Variants in NRXN1 observed in about 807,000 individuals in gnomAD.
NRXN1 encodes the protein neurexin 1, also known as neurexin-1.
Under a neutral mutation model 150.9 loss-of-function variants are expected in NRXN1, and 39 were observed. That is an observed-to-expected ratio of 0.26 (90% CI 0.20 to 0.34). The LOEUF is 0.34. Among genes scored for constraint, NRXN1 ranks in the 10% least tolerant of loss-of-function variants. The probability of loss-of-function intolerance (pLI) is 1.00; values close to 1 mark genes in which losing one functional copy is unlikely to be tolerated. For missense variants in NRXN1, 1,815 were observed against 1,949.9 expected (o/e 0.93, Z 1.30); for synonymous variants, 924 against 757.0 (o/e 1.22, Z -3.62).
chr2:50,409,037 G>T (rs138690581), intron 17 of NRXN1, among the ~76,000 whole-genome samples: 142 of 152,218 alleles, frequency 9.3e-4, no homozygotes, highest in African/African-American at 3.1e-3. Flanking sequence ...TTCAAGGGGA[G>T]GGGAGGGTTG....
chr2:50,240,778 A>G (rs1044536350), intron 17 of NRXN1, among the ~76,000 whole-genome samples: 2 of 151,700 alleles, frequency 1.3e-5, no homozygotes, highest in Admixed American at 6.6e-5. Flanking sequence ...ATAGAGCTCT[A>G]TCAGAATTAC....
intron 18 of NRXN1, among the ~76,000 whole-genome samples, chr2:50,167,963 G>T (rs917610642): frequency 6.6e-6 from 1 of 152,044 alleles, no homozygotes; most frequent in African/African-American, 2.4e-5. Flanking sequence ...AAATATCCAT[G>T]CATATTTGCT....
chr2:50,177,893 G>C (rs1482247718), intron 18 of NRXN1, among the ~76,000 whole-genome samples: 1 of 149,396 alleles, frequency 6.7e-6, no homozygotes, highest in South Asian at 2.2e-4. Context: ...TGGAAGAAAG[G>C]AAGGAAGCAT....
At chr2:50,006,677 A>G (rs1394253977) in intron 21 of NRXN1, among the ~76,000 whole-genome samples, 1 of 152,186 alleles carries the variant, frequency 6.6e-6, no homozygotes, top group East Asian at 1.9e-4. Flanking sequence ...ACAATGATGT[A>G]TGTCAAGAAT....
chr2:50,733,777 A>T (rs535907231), intron 5 of NRXN1, among the ~76,000 whole-genome samples: 1 of 152,176 alleles, frequency 6.6e-6, no homozygotes, highest in African/African-American at 2.4e-5. Flanking sequence ...ATTTTCAAAA[A>T]GTTTACTCAA....
At chr2:50,692,558 A>G (rs1692226653) in intron 5 of NRXN1, among the ~76,000 whole-genome samples, 1 of 152,180 alleles carries the variant, frequency 6.6e-6, no homozygotes, top group Admixed American at 6.5e-5. Context: ...CAAATATGAT[A>G]TAACACAGAG....
At chr2:50,848,473 C>A (rs1305509347) in intron 5 of NRXN1, among the ~76,000 whole-genome samples, 1 of 151,978 alleles carries the variant, frequency 6.6e-6, no homozygotes. Flanking sequence ...AGCTCTGCTT[C>A]GGTTTGGGAG....
intron 18 of NRXN1, among the ~76,000 whole-genome samples, chr2:50,227,245 A>T (rs772358056): frequency 2.6e-5 from 4 of 152,008 alleles, no homozygotes; most frequent in Admixed American, 1.3e-4. Context: ...TGGAGAAGTA[A>T]ATTACTAAGT....
At position 50,610,666 on chromosome 2, in the gene NRXN1, T is replaced by C. The variant is rs1361774104; in HGVS notation, c.1320+9356A>G. On this transcript the variant is annotated intron_variant, in intron 8 of 22. Coordinates refer to ENST00000401669, the MANE Select transcript of NRXN1 (RefSeq NM_001330078.2). The stretch of plus-strand genomic sequence containing the variant: ...ACATATATATATATATATATATATA[T>C]ATATATATATATCTGTACAAAACAG... Among the ~76,000 whole-genome samples, 47 of 127,674 alleles carry C rather than the reference T, an allele frequency of 3.7e-4. 1 individual carries two copies. The highest frequency in any genetic ancestry group is 6.9e-4 in the Non-Finnish European group (42 of 60,636). 83.8% of individuals were successfully genotyped at this position (127,674 alleles called of 152,430 possible).
chr2:50,522,725 T>TCC (rs2092825455), intron 12 of NRXN1, among the ~76,000 whole-genome samples: 44 of 69,538 alleles, frequency 6.3e-4, no homozygotes, highest in Non-Finnish European at 1.0e-3. Flanking sequence ...TATTCATTTT[T>TCC]TTTTTTTTTT....
chr2:50,229,325 T>A (rs962955613), intron 18 of NRXN1, among the ~76,000 whole-genome samples: 4 of 125,182 alleles, frequency 3.2e-5, no homozygotes, highest in African/African-American at 1.2e-4. Context: ...CAGCGCATTT[T>A]TTTTTGTGTG....
chr2:50,081,660 A>G (rs957502601), intron 19 of NRXN1, among the ~76,000 whole-genome samples: 3 of 152,246 alleles, frequency 2.0e-5, no homozygotes, highest in South Asian at 2.1e-4. Flanking sequence ...CATAGTTGAC[A>G]TTCAAATAAT....
At chr2:50,936,955 ACTTCAATG>A (rs1489144753) in intron 2 of NRXN1, among the ~76,000 whole-genome samples, 2 of 152,162 alleles carry the variant, frequency 1.3e-5, no homozygotes, top group Non-Finnish European at 2.9e-5. Flanking sequence ...TCTTACCAAT[ACTTCAATG>A]TTTTATCTAT....
At chr2:50,177,205 A>C (rs1354633029) in intron 18 of NRXN1, among the ~76,000 whole-genome samples, 1 of 152,120 alleles carries the variant, frequency 6.6e-6, no homozygotes, top group Non-Finnish European at 1.5e-5. Flanking sequence ...CATCACCCAA[A>C]TGTTGAACAT....
At chr2:50,825,738 C>A (rs1559316647) in intron 5 of NRXN1, among the ~76,000 whole-genome samples, 2 of 152,236 alleles carry the variant, frequency 1.3e-5, no homozygotes, top group African/African-American at 4.8e-5. Flanking sequence ...GGGTCTACAG[C>A]CAGTCAGTCA....
chr2:50,629,608 C>T (rs1681874728), intron 5 of NRXN1, among the ~76,000 whole-genome samples: 1 of 151,488 alleles, frequency 6.6e-6, no homozygotes, highest in Non-Finnish European at 1.5e-5. Context: ...AGCATAAATA[C>T]TATATTTCAA....
chr2:50,217,386 A>G (rs2063474629), intron 18 of NRXN1, among the ~76,000 whole-genome samples: 1 of 151,986 alleles, frequency 6.6e-6, no homozygotes, highest in Non-Finnish European at 1.5e-5. Context: ...TACCATTGTT[A>G]TTGCTGTATC....
chr2:50,390,505 T>G (rs2081617323), intron 17 of NRXN1, among the ~76,000 whole-genome samples: 1 of 152,210 alleles, frequency 6.6e-6, no homozygotes, highest in African/African-American at 2.4e-5. Flanking sequence ...GTAACTGTAC[T>G]ATTGCTACAA....
At chr2:50,917,717 T>C (rs1291708026) in intron 5 of NRXN1, 1 of 151,700 alleles carries the variant, frequency 6.6e-6, no homozygotes, top group African/African-American at 2.4e-5. Flanking sequence ...AAAATCTCAC[T>C]GGACACCGAC....
Sources: allele counts gnomAD v4.1 joint callset (sites outside exome capture counted in the v4.1 genomes callset), GRCh38; gene constraint gnomAD v4.1.1; transcripts MANE v1.5; gene names NCBI Gene and HGNC (gene_info 2026-07-23, HGNC 2026-07-21).